The following ANK3 variants were observed in gnomAD, a reference collection of about 807,000 sequenced individuals.
ANK3 encodes the protein ankyrin 3, also known as ankyrin-3.
In ANK3, 57 loss-of-function variants were observed where a neutral mutation model predicts 370.9. That is an observed-to-expected ratio of 0.15 (90% confidence interval 0.12 to 0.19). ANK3 has a LOEUF of 0.19. ANK3 is among the 10% of genes least tolerant of loss of function. The pLI is 1.00. For missense variants in ANK3, 4,439 were observed against 5,302.1 expected (o/e 0.84, Z 5.06); for synonymous variants, 1,929 against 1,946.3 (o/e 0.99, Z 0.23).
At chr10:60,347,072 T>C (rs2041089258) in intron 1 of ANK3, among the ~76,000 whole-genome samples, 1 of 147,276 alleles carries the variant, frequency 6.8e-6, no homozygotes, top group Non-Finnish European at 1.5e-5. Flanking sequence ...TATATATATA[T>C]ATTGCATTAG....
At chr10:60,563,540 C>T (rs2133253005) in intron 2 of ANK3, among the ~76,000 whole-genome samples, 1 of 152,230 alleles carries the variant, frequency 6.6e-6, no homozygotes, top group African/African-American at 2.4e-5. Flanking sequence ...AGAATTTTTA[C>T]TTTTTCAGCA....
chr10:60,165,108 G>A (rs1432253552), intron 23 of ANK3, among the ~76,000 whole-genome samples: 1 of 152,194 alleles, frequency 6.6e-6, no homozygotes. Flanking sequence ...CATCAATGGG[G>A]ATAATTTTAG....
chr10:60,470,055 C>T (rs1300626097), intron 2 of ANK3, among the ~76,000 whole-genome samples: 2 of 152,008 alleles, frequency 1.3e-5, no homozygotes, highest in Non-Finnish European at 2.9e-5. Context: ...GAATAGTTTT[C>T]CTCTTATAGA....
chr10:60,492,729 G>A (rs1171006710), intron 2 of ANK3, among the ~76,000 whole-genome samples: 147 of 117,384 alleles, frequency 1.3e-3, no homozygotes, highest in Middle Eastern at 5.6e-3. Context: ...AAAAAAGAAA[G>A]AAAGAAAGAA....
intron 1 of ANK3, among the ~76,000 whole-genome samples, chr10:60,690,052 G>A (rs1199767228): frequency 2.0e-5 from 3 of 152,174 alleles, no homozygotes; most frequent in African/African-American, 7.2e-5. Flanking sequence ...AGATTAGAAA[G>A]TAGTACAAAC....
intron 1 of ANK3, among the ~76,000 whole-genome samples, chr10:60,687,401 A>G (rs895927870): frequency 4.6e-5 from 7 of 152,176 alleles, no homozygotes; most frequent in Admixed American, 1.3e-4. Context: ...TTGAACAAGC[A>G]TTTTTCCAAA....
At chr10:60,513,152 G>A (rs552601765) in intron 2 of ANK3, among the ~76,000 whole-genome samples, 103 of 152,180 alleles carry the variant, frequency 6.8e-4, no homozygotes, top group African/African-American at 2.5e-3. Flanking sequence ...ATTGAGGAGA[G>A]GAATTCATTC....
chr10:60,586,590 T>C (rs2077835032), intron 2 of ANK3, among the ~76,000 whole-genome samples: 1 of 152,210 alleles, frequency 6.6e-6, no homozygotes, highest in Non-Finnish European at 1.5e-5. Flanking sequence ...AGCTGGTTTC[T>C]GGCAGAGACA....
chr10:60,115,811 GGT>G (rs2093040650), intron 25 of ANK3, among the ~76,000 whole-genome samples: 1 of 152,096 alleles, frequency 6.6e-6, no homozygotes, highest in Non-Finnish European at 1.5e-5. Flanking sequence ...TTTTAACATA[GGT>G]GTAAATTGGA....
chr10:60,494,648 TA>T lies in ANK3; in HGVS notation c.96+120537del, dbSNP rs1480765054. Among the ~76,000 whole-genome samples, 6 of 152,184 alleles carry T rather than the reference TA, an allele frequency of 3.9e-5. 1 individual carries two copies. In the South Asian group the frequency reaches 1.2e-3, roughly 32 times the overall value. On this transcript the variant is annotated intron_variant, in intron 2 of 43. Transcript: ENST00000373827. Reference sequence around the variant, plus strand: ...AGGTGTTTTCTTTTAGCCTTATTTTTAAAAAATTGAGTGACCAGTTTTATTT... The same window carrying T: ...AGGTGTTTTCTTTTAGCCTTATTTTTAAAAATTGAGTGACCAGTTTTATTT...
chr10:60,464,245 G>T (rs2064959054), intron 2 of ANK3, among the ~76,000 whole-genome samples: 1 of 152,108 alleles, frequency 6.6e-6, no homozygotes, highest in Admixed American at 6.5e-5. Context: ...ATTCAGGAAA[G>T]AAAAATTATA....
chr10:60,564,032 A>C (rs766595037), intron 2 of ANK3, among the ~76,000 whole-genome samples: 1 of 152,222 alleles, frequency 6.6e-6, no homozygotes, highest in African/African-American at 2.4e-5. Flanking sequence ...TACTAAAATA[A>C]GCAAATTCCA....
chr10:60,195,388 C>CAAAAA, intron 16 of ANK3, among the ~76,000 whole-genome samples: 1 of 71,778 alleles, frequency 1.4e-5, no homozygotes, highest in East Asian at 3.6e-4. Context: ...CGTCTCCCTC[C>CAAAAA]AAAAAAAAAA....
At chr10:60,137,885 T>C (rs1409507636) in intron 24 of ANK3, among the ~76,000 whole-genome samples, 2 of 152,182 alleles carry the variant, frequency 1.3e-5, no homozygotes, top group African/African-American at 4.8e-5. Flanking sequence ...AAGTTCTACA[T>C]ATTTTCCATT....
At chr10:60,112,552 G>A (rs926924511) in intron 26 of ANK3, among the ~76,000 whole-genome samples, 4 of 152,198 alleles carry the variant, frequency 2.6e-5, no homozygotes, top group South Asian at 4.2e-4. Context: ...CCATTTGAAC[G>A]ATATTGTTCT....
At chr10:60,189,374 C>CAG (rs1226920073) in intron 16 of ANK3, among the ~76,000 whole-genome samples, 7 of 152,146 alleles carry the variant, frequency 4.6e-5, no homozygotes, top group African/African-American at 7.2e-5. Flanking sequence ...GAGACAGAGA[C>CAG]AGAGAGAGAG....
intron 18 of ANK3, among the ~76,000 whole-genome samples, chr10:60,179,252 CT>C (rs1365704816): frequency 1.3e-5 from 2 of 152,292 alleles, no homozygotes; most frequent in East Asian, 1.9e-4. Flanking sequence ...GCTTCACTTC[CT>C]TTTGGTGGCT....
intron 1 of ANK3, among the ~76,000 whole-genome samples, chr10:60,692,617 A>C (rs895091486): frequency 6.6e-6 from 1 of 152,204 alleles, no homozygotes; most frequent in African/African-American, 2.4e-5. Context: ...GCGTGGCCTC[A>C]GGGTATAACA....
rs776429241 is a variant in ANK3, at chr10:60,080,558, A to G, written c.4411T>C (p.Tyr1471His). Residue 1471 changes from tyrosine (Y) to histidine (H), a missense_variant, in exon 36 of 44, where the codon TAC (tyrosine) becomes CAC (histidine). Physicochemically the swap from Tyr to His is moderately conservative, Grantham distance 83. This residue lies in a region of ANK3 where 679 missense variants were observed against 791.0 expected (regional missense o/e 0.86). Transcript: ENST00000280772. Reference sequence around the variant, plus strand: ...TCACTCATTCCAGGCTCAGTCAAGTAGCTGTAGCGCTTACGTAAAGCTAAG... The same window carrying G: ...TCACTCATTCCAGGCTCAGTCAAGTGGCTGTAGCGCTTACGTAAAGCTAAG... ...ASLALRKRYSYLTEPGMIERS... is the reference protein window; with the variant it reads ...ASLALRKRYSHLTEPGMIERS... 1.9e-6 allele frequency: 3 copies of G among 1,612,800 alleles called. No individual in the cohort carries two copies. The South Asian group carries it at 3.3e-5, about 18-fold the overall frequency.
Sources: allele counts gnomAD v4.1 joint callset (sites outside exome capture counted in the v4.1 genomes callset), GRCh38; gene constraint gnomAD v4.1.1; regional missense constraint gnomAD v4.1.1; transcripts MANE v1.5; gene names NCBI Gene and HGNC (gene_info 2026-07-23, HGNC 2026-07-21).